Variants in PCDH9 observed in about 807,000 individuals in gnomAD.
PCDH9 encodes the protein protocadherin-9.
PCDH9 carries 24 observed loss-of-function variants against 70.6 expected under a neutral mutation model. The ratio of observed to expected loss-of-function variants is 0.34; its 90% CI spans 0.25 to 0.48. The LOEUF is 0.48. Ranked by LOEUF, PCDH9 falls within the 20% of genes least tolerant of loss-of-function variation. PCDH9 has a pLI of 0.99. For synonymous variants in PCDH9, 562 were observed against 558.5 expected (o/e 1.01, Z -0.09); for missense variants, 1,281 against 1,503.6 (o/e 0.85, Z 2.45).
At chr13:66,321,412 G>A (rs1274184350) in intron 4 of PCDH9, among the ~76,000 whole-genome samples, 1 of 151,990 alleles carries the variant, frequency 6.6e-6, no homozygotes, top group Non-Finnish European at 1.5e-5. Flanking sequence ...TTTAAAGATG[G>A]AATCCAGGTG....
chr13:66,879,152 G>C (rs907815549), intron 3 of PCDH9, among the ~76,000 whole-genome samples: 3 of 152,084 alleles, frequency 2.0e-5, no homozygotes, highest in South Asian at 4.1e-4. Flanking sequence ...GTAGAGAGTA[G>C]TGCCTTATTC....
At chr13:66,651,478 C>T (rs978050536) in intron 3 of PCDH9, among the ~76,000 whole-genome samples, 15 of 151,940 alleles carry the variant, frequency 9.9e-5, no homozygotes, top group Admixed American at 1.3e-4. Flanking sequence ...CTGAACATAC[C>T]TATAACAAGT....
chr13:66,562,933 T>A (rs2076597610), intron 4 of PCDH9, among the ~76,000 whole-genome samples: 1 of 152,162 alleles, frequency 6.6e-6, no homozygotes, highest in African/African-American at 2.4e-5. Context: ...CTGAAGTTAA[T>A]GTGCTGCACA....
At chr13:66,682,487 C>T in intron 3 of PCDH9, among the ~76,000 whole-genome samples, 1 of 151,910 alleles carries the variant, frequency 6.6e-6, no homozygotes, top group Non-Finnish European at 1.5e-5. Flanking sequence ...TTCTGCTGTT[C>T]ATTGCAGAAT....
intron 3 of PCDH9, among the ~76,000 whole-genome samples, chr13:66,643,324 G>A (rs1338869009): frequency 6.6e-6 from 1 of 152,036 alleles, no homozygotes; most frequent in African/African-American, 2.4e-5. Context: ...GAATAAACAT[G>A]AATAAGATTT....
At chr13:66,489,771 C>T (rs888882361) in intron 4 of PCDH9, among the ~76,000 whole-genome samples, 1 of 152,114 alleles carries the variant, frequency 6.6e-6, no homozygotes, top group Non-Finnish European at 1.5e-5. Context: ...GAAGCCTCAT[C>T]GATGACACAC....
At chr13:66,824,650 T>TGA (rs1161306669) in intron 3 of PCDH9, among the ~76,000 whole-genome samples, 4 of 58,618 alleles carry the variant, frequency 6.8e-5, no homozygotes, top group African/African-American at 2.2e-4. Flanking sequence ...AGCGAAACTC[T>TGA]GATATATATA....
intron 4 of PCDH9, among the ~76,000 whole-genome samples, chr13:66,315,543 G>A (rs117341694): frequency 0.011 from 1,637 of 152,076 alleles, 14 homozygotes; most frequent in South Asian, 0.026. Context: ...GTGCAGTGGC[G>A]CAATCTCGGC....
In PCDH9 at chr13:67,083,097, G is replaced by T. The variant is rs1197523780; in HGVS notation, c.3036+142308C>A. ...TGAAAAATGTTTTCTTCTTCTAACT[G>T]GATAAGATTAAATAAAATAACCGTA... On this transcript the variant is annotated intron_variant, in intron 2 of 4. Coordinates refer to ENST00000377865, the MANE Select transcript of PCDH9 (RefSeq NM_203487.3). 2.0e-5 allele frequency among the ~76,000 whole-genome samples: 3 copies of T among 151,974 alleles called. No homozygotes were observed. In the East Asian group the frequency reaches 5.8e-4, roughly 29 times the overall value.
intron 3 of PCDH9, among the ~76,000 whole-genome samples, chr13:66,700,453 G>A (rs2078623196): frequency 6.6e-6 from 1 of 152,136 alleles, no homozygotes; most frequent in Non-Finnish European, 1.5e-5. Flanking sequence ...GCCTTTCAAA[G>A]GTTATGGAAA....
intron 2 of PCDH9, among the ~76,000 whole-genome samples, chr13:67,175,557 C>T (rs1249129072): frequency 6.6e-6 from 1 of 152,154 alleles, no homozygotes. Flanking sequence ...CTTATTTCCT[C>T]ACCTATTTCC....
chr13:66,742,801 C>T (rs1309932111), intron 3 of PCDH9, among the ~76,000 whole-genome samples: 8 of 149,074 alleles, frequency 5.4e-5, no homozygotes, highest in African/African-American at 2.0e-4. Context: ...GAGATATCAT[C>T]TCACACCAGT....
At chr13:67,114,761 G>A (rs932593268) in intron 2 of PCDH9, among the ~76,000 whole-genome samples, 5 of 152,164 alleles carry the variant, frequency 3.3e-5, no homozygotes, top group Non-Finnish European at 7.4e-5. Flanking sequence ...GGAGATAAAT[G>A]TAGAAAGTCA....
chr13:66,922,884 T>C (rs1200616113), intron 2 of PCDH9, among the ~76,000 whole-genome samples: 1 of 151,496 alleles, frequency 6.6e-6, no homozygotes. Flanking sequence ...ATTTTTTTCA[T>C]CTTTAAAAGA....
At chr13:66,391,402 C>A (rs988836775) in intron 4 of PCDH9, among the ~76,000 whole-genome samples, 1 of 152,140 alleles carries the variant, frequency 6.6e-6, no homozygotes, top group African/African-American at 2.4e-5. Context: ...TCTACAAATG[C>A]TCTGTCTGTT....
chr13:66,965,154 A>G (rs556717011), intron 2 of PCDH9, among the ~76,000 whole-genome samples: 1 of 152,216 alleles, frequency 6.6e-6, no homozygotes, highest in South Asian at 2.1e-4. Flanking sequence ...ACTCCAGCTT[A>G]CCCATTATTG....
chr13:66,447,196 C>T (rs1958108716), intron 4 of PCDH9, among the ~76,000 whole-genome samples: 1 of 151,920 alleles, frequency 6.6e-6, no homozygotes, highest in Non-Finnish European at 1.5e-5. Context: ...TGTTGAAAAG[C>T]TTCTAATATA....
intron 2 of PCDH9, among the ~76,000 whole-genome samples, chr13:67,074,511 T>A (rs769326023): frequency 1.3e-5 from 2 of 152,070 alleles, no homozygotes; most frequent in East Asian, 3.9e-4. Context: ...CCTATCTACC[T>A]CCCCATAATA....
intron 4 of PCDH9, among the ~76,000 whole-genome samples, chr13:66,519,211 G>T (rs1959879089): frequency 6.6e-6 from 1 of 151,842 alleles, no homozygotes; most frequent in Non-Finnish European, 1.5e-5. Flanking sequence ...TTCCTCTAAG[G>T]TTCTGTAAGA....
Sources: gnomAD v4.1 joint callset for allele counts (sites outside exome capture counted in the v4.1 genomes callset) on GRCh38, gnomAD v4.1.1 for gene constraint, MANE v1.5 for transcripts, NCBI Gene and HGNC (gene_info 2026-07-23, HGNC 2026-07-21) for gene names.